Variants in CACNG7 observed in about 807,000 individuals in gnomAD.
The protein encoded by CACNG7 is calcium voltage-gated channel auxiliary subunit gamma 7.
In CACNG7, 9 loss-of-function variants were observed where a neutral mutation model predicts 26.3. The ratio of observed to expected loss-of-function variants is 0.34; its 90% confidence interval spans 0.21 to 0.60. The LOEUF (loss-of-function observed/expected upper bound fraction) is 0.60, where lower values mean the gene tolerates loss of function less well. CACNG7 is among the 20% of genes least tolerant of loss of function. The probability of loss-of-function intolerance (pLI) is 0.81; values close to 1 mark genes in which losing one functional copy is unlikely to be tolerated. For synonymous variants in CACNG7, 170 were observed against 157.0 expected, an observed-to-expected ratio of 1.08 and a Z score of -0.62; for missense variants, 297 against 380.4, an observed-to-expected ratio of 0.78 and a Z score of 1.82.
chr19:53,937,230 G>A (rs1367668882), intron 4 of CACNG7, among the ~76,000 whole-genome samples: 1 of 152,174 alleles, frequency 6.6e-6, no homozygotes, highest in African/African-American at 2.4e-5. Context: ...CGATAAATCA[G>A]CCTGTGCATG....
intron 2 of CACNG7, among the ~76,000 whole-genome samples, chr19:53,914,160 G>C (rs1306191590): frequency 1.3e-5 from 2 of 151,936 alleles, no homozygotes; most frequent in East Asian, 3.9e-4. Context: ...TGTAGTCCCA[G>C]CTACTCAGGA....
chr19:53,914,091 T>C (rs1420764444), intron 2 of CACNG7, among the ~76,000 whole-genome samples: 1 of 151,904 alleles, frequency 6.6e-6, no homozygotes, highest in East Asian at 1.9e-4. Context: ...CTGGCCAACA[T>C]GGTGAAACCC....
chr19:53,942,106 C>T lies in CACNG7; in HGVS notation c.641C>T (p.Pro214Leu), dbSNP rs2069141416. 1 of 1,613,968 alleles carries T rather than the reference C, an allele frequency of 6.2e-7. No individual in the cohort carries two copies. The highest frequency in any genetic ancestry group is 1.7e-5 in the Admixed American group (1 of 59,994). ...GAGGAGGAGATGTACCGTCCACACC[C>T]GGCCTTCTACCGCCCGCGTCTCAGC... Reference protein sequence around the residue: ...YAEEEMYRPHPAFYRPRLSDC... With the variant: ...YAEEEMYRPHLAFYRPRLSDC... Residue 214 changes from proline (P) to leucine (L), a missense_variant, in exon 6 of 6, where the codon CCG (proline) becomes CTG (leucine). Coordinates refer to ENST00000391767, the MANE Select transcript of CACNG7 (RefSeq NM_031896.5). The surrounding 1 kb of genome is among the most constrained non-coding windows in gnomAD (Gnocchi z 5.9).
In CACNG7 at chr19:53,933,052, C is replaced by T. The variant is rs565436024; in HGVS notation, c.425-8418C>T. 1.5e-4 allele frequency among the ~76,000 whole-genome samples: 23 copies of T among 152,072 alleles called. No individual in the cohort carries two copies. In the South Asian group the frequency reaches 2.3e-3, roughly 15 times the overall value. On this transcript the variant is annotated intron_variant, in intron 4 of 5. Coordinates refer to ENST00000391767, the MANE Select transcript of CACNG7 (RefSeq NM_031896.5). Reference sequence around the variant, plus strand: ...AACTCCTGACCTCAGGTGATCCGCCCGCATTGGCCTCCCAAAGTGCTGGGA... The same window carrying T: ...AACTCCTGACCTCAGGTGATCCGCCTGCATTGGCCTCCCAAAGTGCTGGGA...
intron 4 of CACNG7, among the ~76,000 whole-genome samples, chr19:53,928,336 A>G (rs1037336026): frequency 1.3e-5 from 2 of 151,940 alleles, no homozygotes; most frequent in African/African-American, 4.8e-5. Flanking sequence ...CAATGGTGCA[A>G]TGTCGGCTCA....
intron 4 of CACNG7, among the ~76,000 whole-genome samples, chr19:53,929,288 G>C (rs1018111157): frequency 1.4e-5 from 2 of 147,954 alleles, no homozygotes; most frequent in Admixed American, 1.3e-4. Context: ...GAGAGAGAGA[G>C]AGGAAAAGAG....
At chr19:53,932,577 C>T (rs1409882386) in intron 4 of CACNG7, among the ~76,000 whole-genome samples, 3 of 152,078 alleles carry the variant, frequency 2.0e-5, no homozygotes, top group South Asian at 4.1e-4. Context: ...CTCACTCTTC[C>T]CCATTGGCCT....
At chr19:53,931,918 C>CTTTGGT (rs2069075666) in intron 4 of CACNG7, among the ~76,000 whole-genome samples, 2 of 150,764 alleles carry the variant, frequency 1.3e-5, no homozygotes, top group African/African-American at 4.9e-5. Flanking sequence ...GCCACCACCA[C>CTTTGGT]GCCCGGCTAA....
In CACNG7 at chr19:53,922,282, GCCCCAGGTCTGGTATTGGTGGAGTTGT is replaced by G. The variant is rs1555810712; in HGVS notation, c.424+6791_424+6817del. ...CCCAGGTCTGGTCATTGGTGCAGTTGCCCCAGGTCTGGTATTGGTGGAGTTGTCCCCAGGTCTGGTCATTGGTGGAGT... is the reference window on the plus strand; with the variant it reads ...CCCAGGTCTGGTCATTGGTGCAGTTGCCCCAGGTCTGGTCATTGGTGGAGT... On this transcript the variant is annotated intron_variant, in intron 4 of 5. Coordinates refer to ENST00000391767, the MANE Select transcript of CACNG7 (RefSeq NM_031896.5). Among the ~76,000 whole-genome samples the G allele has an allele frequency of 1.9e-4, 14 of 72,542 alleles. 1 individual carries two copies. Among genetic ancestry groups the G allele is most frequent in the Non-Finnish European group, 3.5e-4 (13 of 36,726 alleles). 47.6% of individuals were successfully genotyped at this position (72,542 alleles called of 152,430 possible). A position where few individuals can be genotyped will look rare whatever the true frequency, so the allele number is the denominator to read the frequency against.
chr19:53,936,964 G>C (rs75430937), intron 4 of CACNG7, among the ~76,000 whole-genome samples: 1 of 152,142 alleles, frequency 6.6e-6, no homozygotes, highest in East Asian at 1.9e-4. Flanking sequence ...CGGGAGTGCA[G>C]TGGTGCAGTC....
At chr19:53,918,569 C>T (rs997729841) in intron 4 of CACNG7, among the ~76,000 whole-genome samples, 2 of 152,076 alleles carry the variant, frequency 1.3e-5, no homozygotes, top group Admixed American at 6.6e-5. Flanking sequence ...TTGCCAACCC[C>T]TCATTTAGAT....
At chr19:53,929,308 T>C (rs968337420) in intron 4 of CACNG7, among the ~76,000 whole-genome samples, 1 of 151,912 alleles carries the variant, frequency 6.6e-6, no homozygotes, top group African/African-American at 2.4e-5. Flanking sequence ...GGAGTGAAGC[T>C]GATTCCCCTG....
intron 2 of CACNG7, 121 bp from the exon 3 acceptor site, chr19:53,914,379 C>G (rs2068881373): frequency 1.4e-6 from 1 of 723,552 alleles, no homozygotes; most frequent in East Asian, 2.7e-5. Context: ...GCTCGTAACC[C>G]TTGGGTTAGG....
Position 53,939,305 on chromosome 19 carries a change from C to T in CACNG7, c.425-2165C>T, listed in dbSNP as rs1433132124. Among the ~76,000 whole-genome samples, 1 of 152,150 alleles carries T rather than the reference C, an allele frequency of 6.6e-6. No individual in the cohort carries two copies. Among genetic ancestry groups the T allele is most frequent in the Non-Finnish European group, 1.5e-5 (1 of 68,026 alleles). ...ACAAAATTGAGATGTAATTCACATACTATAAATTTCATATAATTCAGTGAT... is the reference window on the plus strand; with the variant it reads ...ACAAAATTGAGATGTAATTCACATATTATAAATTTCATATAATTCAGTGAT... On this transcript the variant is annotated intron_variant, in intron 4 of 5. Transcript: ENST00000391767. This position sits in a 1 kb window ranked among gnomAD's most constrained non-coding sequence, Gnocchi z 4.2.
intron 4 of CACNG7, among the ~76,000 whole-genome samples, chr19:53,920,366 T>C (rs1396383518): frequency 8.8e-6 from 1 of 114,132 alleles, no homozygotes; most frequent in Non-Finnish European, 1.7e-5. Flanking sequence ...GGTCTGGTCA[T>C]TGGTGGAGTT....
chr19:53,910,084 A>G (rs2068853070), intron 1 of CACNG7, among the ~76,000 whole-genome samples: 1 of 152,030 alleles, frequency 6.6e-6, no homozygotes, highest in Non-Finnish European at 1.5e-5. Context: ...GGGAGGAGGA[A>G]TTGGAGCAAG....
chr19:53,941,061 CAAA>C (rs11300024), intron 4 of CACNG7, among the ~76,000 whole-genome samples: 8 of 143,568 alleles, frequency 5.6e-5, no homozygotes, highest in African/African-American at 7.7e-5. Context: ...GACTCCATTT[CAAA>C]AAAAAAAAAA....
At position 53,943,897 on chromosome 19, in the gene CACNG7, C is replaced by T. The variant is rs1483970684; in HGVS notation, c.*1604C>T. 2.0e-5 allele frequency: 3 copies of T among 151,990 alleles called. No individual in the cohort carries two copies. Among genetic ancestry groups the T allele is most frequent in the African/African-American group, 7.3e-5 (3 of 41,374 alleles). The allele number at this position is 151,990 out of a possible 1,614,324, so 9.4% of individuals were successfully genotyped here. A position where few individuals can be genotyped will look rare whatever the true frequency, so the allele number is the denominator to read the frequency against. Reference sequence around the variant, plus strand: ...TTCAGTCCGTGTAAAGCATGCAGGACCGTAAATGATACTGGTCAGGATCAA... The same window carrying T: ...TTCAGTCCGTGTAAAGCATGCAGGATCGTAAATGATACTGGTCAGGATCAA... On this transcript the variant is annotated 3_prime_UTR_variant, in exon 6 of 6. Coordinates refer to ENST00000391767, the MANE Select transcript of CACNG7 (RefSeq NM_031896.5).
At chr19:53,913,164 C>A in intron 2 of CACNG7, 137 bp downstream of exon 2, 1 of 759,900 alleles carries the variant, frequency 1.3e-6, no homozygotes, top group Non-Finnish European at 2.1e-6. Context: ...CAAATTTCTA[C>A]GTGGAGCCCC....
Sources: gnomAD v4.1 joint callset for allele counts (sites outside exome capture counted in the v4.1 genomes callset) on GRCh38, gnomAD v4.1.1 for gene constraint, Gnocchi (gnomAD v3.1) non-coding constraint, MANE v1.5 for transcripts, NCBI Gene and HGNC (gene_info 2026-07-23, HGNC 2026-07-21) for gene names.